ZNF354B: variants seen among roughly 807,000 people sequenced by gnomAD.
The protein encoded by ZNF354B is zinc finger protein 354B.
In ZNF354B, 10 loss-of-function variants were observed where a neutral mutation model predicts 12.9. That is an observed-to-expected ratio of 0.77 (90% CI 0.48 to 1.31). The LOEUF is 1.31. Ranked by LOEUF, ZNF354B falls within the 40% of genes most tolerant of loss-of-function variation. The probability of loss-of-function intolerance (pLI) is 0.00; values close to 1 mark genes in which losing one functional copy is unlikely to be tolerated. For synonymous variants in ZNF354B, 260 were observed against 243.7 expected, an observed-to-expected ratio of 1.07 and a Z score of -0.62; for missense variants, 614 against 711.7, an observed-to-expected ratio of 0.86 and a Z score of 1.56.
intron 4 of ZNF354B, among the ~76,000 whole-genome samples, chr5:178,877,042 C>T (rs1757648984): frequency 6.6e-6 from 1 of 151,766 alleles, no homozygotes; most frequent in Non-Finnish European, 1.5e-5. Flanking sequence ...TGTAGGGTGG[C>T]ACTAGTCCAG....
intron 4 of ZNF354B, among the ~76,000 whole-genome samples, chr5:178,871,277 T>G (rs79130822): frequency 0.15 from 22,493 of 152,106 alleles, 2,035 homozygotes; most frequent in African/African-American, 0.25. Flanking sequence ...GCCGCCCTGC[T>G]GTTTGTCAGG....
At chr5:178,861,982 G>A (rs11740486) in intron 2 of ZNF354B, among the ~76,000 whole-genome samples, 35,428 of 152,124 alleles carry the variant, frequency 0.23, 4,647 homozygotes, top group Middle Eastern at 0.32. Context: ...TGTTTGCTGA[G>A]TGACATTATT....
chr5:178,881,138 T>G (rs1162005579), intron 4 of ZNF354B, among the ~76,000 whole-genome samples: 1 of 152,116 alleles, frequency 6.6e-6, no homozygotes, highest in East Asian at 1.9e-4. Flanking sequence ...GCCAGCACGC[T>G]TGGCCAACTC....
chr5:178,867,098 G>C (rs1443071672), intron 4 of ZNF354B, 27 bp downstream of exon 4: 1 of 1,591,242 alleles, frequency 6.3e-7, no homozygotes, highest in Non-Finnish European at 8.6e-7. Context: ...AGGTGCTCGG[G>C]AATGGCCGCA....
intron 4 of ZNF354B, among the ~76,000 whole-genome samples, chr5:178,869,240 C>G (rs11958804): frequency 6.6e-6 from 1 of 152,104 alleles, no homozygotes; most frequent in Non-Finnish European, 1.5e-5. Context: ...CCTTGTGCCA[C>G]GGGCCCAGCG....
intron 4 of ZNF354B, among the ~76,000 whole-genome samples, chr5:178,873,204 C>T (rs1421688418): frequency 1.3e-5 from 2 of 152,038 alleles, no homozygotes; most frequent in African/African-American, 2.4e-5. Context: ...TAGTAGTTGC[C>T]GGATATGTGG....
chr5:178,866,797 CA>C (rs1757465144), intron 3 of ZNF354B, among the ~76,000 whole-genome samples, 178 bp from the exon 4 acceptor site: 1 of 152,096 alleles, frequency 6.6e-6, no homozygotes. Context: ...GATGTTTTCT[CA>C]TTTTAAAAAA....
At chr5:178,869,071 CAT>C (rs920476945) in intron 4 of ZNF354B, among the ~76,000 whole-genome samples, 1 of 152,080 alleles carries the variant, frequency 6.6e-6, no homozygotes, top group Non-Finnish European at 1.5e-5. Flanking sequence ...CGGGCCTTGT[CAT>C]AGAGTTTGGT....
rs1326297639 is a variant in ZNF354B, at chr5:178,860,830, G to A, written c.-51-167G>A. ...TAAGCCCCAAGCCTGTGGGGCCTGG[G>A]CCTGGCCGGGCGGCCCAGCGCTGCT... is the stretch of plus-strand genomic sequence containing the variant. On this transcript the variant is annotated intron_variant, in intron 1 of 4. Coordinates refer to ENST00000322434, the MANE Select transcript of ZNF354B (RefSeq NM_058230.3). The A allele has an allele frequency of 4.1e-4, 195 of 472,206 alleles. 2 individuals carry two copies. The highest frequency in any genetic ancestry group is 3.6e-3 in the South Asian group (169 of 47,584). The allele number at this position is 472,206 out of a possible 1,614,324, so 29.3% of individuals were successfully genotyped here. A position where few individuals can be genotyped will look rare whatever the true frequency, so the allele number is the denominator to read the frequency against.
chr5:178,873,903 C>A (rs1318114716), intron 4 of ZNF354B, among the ~76,000 whole-genome samples: 2 of 149,124 alleles, frequency 1.3e-5, no homozygotes, highest in South Asian at 4.2e-4. Flanking sequence ...TTTTTATTTT[C>A]TTCCATCAGT....
chr5:178,877,470 C>T (rs1207467171), intron 4 of ZNF354B, among the ~76,000 whole-genome samples: 1 of 152,062 alleles, frequency 6.6e-6, no homozygotes, highest in African/African-American at 2.4e-5. Flanking sequence ...GGCCAAATGT[C>T]CTTATCCTTA....
rs373892560 is a variant in ZNF354B at position 178,867,096 on chromosome 5, G to C, written c.256+25G>C. The C allele has an allele frequency of 3.8e-6, 6 of 1,591,470 alleles. No individual in the cohort carries two copies. The African/African-American group carries it at 6.7e-5, about 18-fold the overall frequency. On this transcript the variant is annotated intron_variant, in intron 4 of 4. Coordinates refer to ENST00000322434, the MANE Select transcript of ZNF354B (RefSeq NM_058230.3). ...GGTAAGTGGGTGGCCCGAGGTGCTC[G>C]GGAATGGCCGCAGACAATGGTCTGG...
At chr5:178,881,692 C>T (rs144883185) in intron 4 of ZNF354B, among the ~76,000 whole-genome samples, 224 of 152,190 alleles carry the variant, frequency 1.5e-3, no homozygotes, top group African/African-American at 5.2e-3. Context: ...GAGTCTCGCT[C>T]TGTCACCCAG....
At position 178,884,238 on chromosome 5, in the gene ZNF354B, C is replaced by T. The variant is rs1561672421; in HGVS notation, c.1786C>T (p.His596Tyr). ...TAGCCAGAGGTCATCCCTTACTAAT[C>T]ATTATAAAATTCACATTGAAGAGGA... ...LFSQRSSLTN[H>Y]YKIHIEEDSL... Residue 596 changes from histidine to tyrosine, a missense_variant, in exon 5 of 5, where the codon CAT becomes TAT. His to Tyr is a moderately conservative substitution (Grantham distance 83). Coordinates refer to ENST00000322434, the MANE Select transcript of ZNF354B (RefSeq NM_058230.3). The T allele has an allele frequency of 6.2e-7, 1 of 1,609,266 alleles. No homozygotes were observed. Among genetic ancestry groups the T allele is most frequent in the Non-Finnish European group, 8.5e-7 (1 of 1,177,878 alleles).
At chr5:178,879,831 A>C (rs772077998) in intron 4 of ZNF354B, among the ~76,000 whole-genome samples, 5 of 152,242 alleles carry the variant, frequency 3.3e-5, no homozygotes. Flanking sequence ...AGTATATATA[A>C]AAGTAGAGAG....
At chr5:178,880,530 C>T (rs1322957755) in intron 4 of ZNF354B, among the ~76,000 whole-genome samples, 1 of 147,904 alleles carries the variant, frequency 6.8e-6, no homozygotes, top group Admixed American at 6.8e-5. Context: ...AAGACAGGGT[C>T]TCTTTGTCAC....
intron 2 of ZNF354B, among the ~76,000 whole-genome samples, chr5:178,865,976 A>G (rs1218477816): frequency 1.3e-5 from 2 of 152,204 alleles, no homozygotes; most frequent in African/African-American, 4.8e-5. Flanking sequence ...TAAAATTGCC[A>G]ACGAAAGATT....
chr5:178,860,345 G>T (rs1757326520), intron 1 of ZNF354B, among the ~76,000 whole-genome samples: 1 of 141,010 alleles, frequency 7.1e-6, no homozygotes, highest in Non-Finnish European at 1.6e-5. Flanking sequence ...GTGAACGCGG[G>T]GCCAGGCGTT....
At chr5:178,881,731 C>T (rs1757720974) in intron 4 of ZNF354B, among the ~76,000 whole-genome samples, 2 of 152,088 alleles carry the variant, frequency 1.3e-5, no homozygotes, top group Non-Finnish European at 1.5e-5. Flanking sequence ...GCAGCCTCCA[C>T]CTCCCAGGTT....
Sources: gnomAD v4.1 joint callset for allele counts (sites outside exome capture counted in the v4.1 genomes callset) on GRCh38, gnomAD v4.1.1 for gene constraint, MANE v1.5 for transcripts, NCBI Gene and HGNC (gene_info 2026-07-23, HGNC 2026-07-21) for gene names.